QSOX2: variants seen among roughly 807,000 people sequenced by gnomAD.
QSOX2 encodes the protein sulfhydryl oxidase 2.
Under a neutral mutation model 61.7 loss-of-function variants are expected in QSOX2, and 46 were observed. That is an observed-to-expected ratio of 0.75 (90% confidence interval 0.59 to 0.95). The LOEUF (loss-of-function observed/expected upper bound fraction) is 0.95. QSOX2 is among the 40% of genes least tolerant of loss of function. QSOX2 has a pLI of 0.00. For missense variants in QSOX2, 879 were observed against 918.9 expected (o/e 0.96, Z 0.56); for synonymous variants, 383 against 388.4 (o/e 0.99, Z 0.16).
intron 3 of QSOX2, 139 bp from the exon 4 acceptor site, chr9:136,224,251 A>C: frequency 1.5e-6 from 1 of 646,522 alleles, no homozygotes; most frequent in Non-Finnish European, 2.7e-6. Flanking sequence ...GTGCAATCCC[A>C]ATGGGTGTGC....
rs540735675 is a variant in QSOX2 at position 136,208,622 on chromosome 9, C to A, written c.*106G>T. ...AGGTGCCATCCGATGTGAAACCAGG[C>A]CCGCATGTTTATAAAATCCCTGATC... On this transcript the variant is annotated 3_prime_UTR_variant, in exon 12 of 12. Coordinates refer to ENST00000358701, the MANE Select transcript of QSOX2 (RefSeq NM_181701.4). 1.5e-6 allele frequency: 2 copies of A among 1,340,280 alleles called. No individual in the cohort carries two copies. The allele number at this position is 1,340,280 out of a possible 1,614,324, so 83.0% of individuals were successfully genotyped here.
intron 10 of QSOX2, among the ~76,000 whole-genome samples, chr9:136,214,031 G>A (rs759046472): frequency 5.9e-5 from 9 of 152,322 alleles, no homozygotes; most frequent in East Asian, 1.9e-4. Context: ...AAAAATAACC[G>A]TAAAGGAATT....
intron 11 of QSOX2, chr9:136,210,578 C>G (rs1390039813): frequency 3.0e-6 from 3 of 985,462 alleles, no homozygotes; most frequent in Non-Finnish European, 3.6e-6. Flanking sequence ...AGACACACAG[C>G]GCCTTCGTCA....
At chr9:136,224,243 G>T in intron 3 of QSOX2, 131 bp from the exon 4 acceptor site, 1 of 674,422 alleles carries the variant, frequency 1.5e-6, no homozygotes, top group Non-Finnish European at 2.6e-6. Context: ...AGCAACATGT[G>T]CAATCCCAAT....
Position 136,209,529 on chromosome 9 carries a change from G to A in QSOX2, c.1550-254C>T, listed in dbSNP as rs1003505105. ...TCCCATAGCCTGCAAGTGAGGAGAC[G>A]CTACACGCTCGGCCTCCGCCACTTC... On this transcript the variant is annotated intron_variant, in intron 11 of 11. Coordinates refer to ENST00000358701, the MANE Select transcript of QSOX2 (RefSeq NM_181701.4). This position sits in a 1 kb window ranked among gnomAD's most constrained non-coding sequence, Gnocchi z 5.6. 4.9e-5 allele frequency: 48 copies of A among 985,222 alleles called. No homozygotes were observed. The highest frequency in any genetic ancestry group is 5.1e-5 in the Non-Finnish European group (42 of 829,910). 61.0% of individuals were successfully genotyped at this position (985,222 alleles called of 1,614,324 possible).
chr9:136,238,394 A>C (rs1166440510), intron 1 of QSOX2, among the ~76,000 whole-genome samples: 1 of 146,860 alleles, frequency 6.8e-6, no homozygotes. Flanking sequence ...ACTTTTGCCC[A>C]AACACTGTCT....
In QSOX2 at chr9:136,223,792, C is replaced by CA. The variant is rs758601844; in HGVS notation, c.645dup (p.Glu216Ter). On this transcript the variant is annotated frameshift_variant, in exon 5 of 12. Transcript: ENST00000358701. LOFTEE classifies it high-confidence loss of function. This position sits in a 1 kb window ranked among gnomAD's most constrained non-coding sequence, Gnocchi z 4.4. ...CGTCCAAGGTAGGAGCTGTTGCTTT[C>CA]AAAGACAATAGCCACGTAATGGCTG... 6.2e-6 allele frequency: 10 copies of CA among 1,613,950 alleles called. No homozygotes were observed. Among genetic ancestry groups the CA allele is most frequent in the Non-Finnish European group, 8.5e-6 (10 of 1,180,050 alleles).
Position 136,209,043 on chromosome 9 carries a change from G to T in QSOX2, c.1782C>A (p.Leu594=). The T allele has an allele frequency of 6.2e-7, 1 of 1,614,118 alleles. No individual in the cohort carries two copies. Among genetic ancestry groups the T allele is most frequent in the Non-Finnish European group, 8.5e-7 (1 of 1,179,992 alleles). The part of the protein sequence containing the change: ...LARGEEEEKR[L]TPPEVSHGDR... ...CTCCATGGGACACCTCTGGGGGAGTGAGTCTTTTCTCCTCTTCCTCACCCC... is the reference window on the plus strand; with the variant it reads ...CTCCATGGGACACCTCTGGGGGAGTTAGTCTTTTCTCCTCTTCCTCACCCC... Residue 594 remains leucine, a synonymous_variant, in exon 12 of 12, where the codon CTC becomes CTA. Transcript: ENST00000358701. This position sits in a 1 kb window ranked among gnomAD's most constrained non-coding sequence, Gnocchi z 5.6.
chr9:136,215,227 C>T lies in QSOX2; in HGVS notation c.1287G>A (p.Pro429=), dbSNP rs370607372. 1.1e-5 allele frequency: 17 copies of T among 1,613,984 alleles called. No homozygotes were observed. Among genetic ancestry groups the T allele is most frequent in the African/African-American group, 5.3e-5 (4 of 74,930 alleles). The change falls in exon 10 of 12, where the codon CCG becomes CCA. Residue 429 remains proline (P), a synonymous_variant. Transcript: ENST00000358701. ...TGTGGAACAGTTTCCAGAGAGAACA[C>T]GGGTAACCCCTCAACTCAGATCGGC... ...QGSRSELRGY[P]CSLWKLFHTL... is the part of the protein sequence containing the mutation.
intron 10 of QSOX2, among the ~76,000 whole-genome samples, chr9:136,211,833 C>G (rs974690627): frequency 6.6e-6 from 1 of 152,250 alleles, no homozygotes; most frequent in African/African-American, 2.4e-5. Flanking sequence ...TGCCGCTCTT[C>G]CCCGGGATTT....
At chr9:136,235,366 G>T (rs1372841173) in intron 1 of QSOX2, among the ~76,000 whole-genome samples, 5 of 152,224 alleles carry the variant, frequency 3.3e-5, no homozygotes, top group Non-Finnish European at 7.3e-5. Context: ...ACACTGCTGG[G>T]CCCTTACGGG....
rs1426891519 is a variant in QSOX2 at position 136,216,606 on chromosome 9, CTTG to C, written c.1200_1202del (p.Asn400del). 5.0e-6 allele frequency: 8 copies of C among 1,613,826 alleles called. No homozygotes were observed. The highest frequency in any genetic ancestry group is 2.2e-5 in the East Asian group (1 of 44,870). On this transcript the variant is annotated inframe_deletion, in exon 9 of 12. Coordinates refer to ENST00000358701, the MANE Select transcript of QSOX2 (RefSeq NM_181701.4). Reference sequence around the variant, plus strand: ...CGAGGGTTCTGGGGCTCACCCGCATCTTGTTGTTGACCAGGTCAAGCACGGCGT... The same window carrying C: ...CGAGGGTTCTGGGGCTCACCCGCATCTTGTTGACCAGGTCAAGCACGGCGT...
chr9:136,236,362 C>G (rs961063030), intron 1 of QSOX2, among the ~76,000 whole-genome samples: 3 of 152,246 alleles, frequency 2.0e-5, no homozygotes, highest in Non-Finnish European at 4.4e-5. Context: ...TTCAGCCGGA[C>G]TAGACGGATA....
Position 136,218,730 on chromosome 9 carries a change from C to A in QSOX2, c.1035G>T (p.Leu345=), listed in dbSNP as rs533080907. Residue 345 remains leucine (L), a synonymous_variant, in exon 8 of 12, where the codon CTG becomes CTT. Transcript: ENST00000358701. ...LRVELAAHKS[L]AGAELKTLKD... Reference sequence around the variant, plus strand: ...TGAGCGTCTTCAGCTCTGCTCCGGCCAGGGACTTGTGGGCTGCCAGCTCCA... The same window carrying A: ...TGAGCGTCTTCAGCTCTGCTCCGGCAAGGGACTTGTGGGCTGCCAGCTCCA... The A allele has an allele frequency of 1.9e-6, 3 of 1,613,784 alleles. No individual in the cohort carries two copies. Among genetic ancestry groups the A allele is most frequent in the East Asian group, 4.5e-5 (2 of 44,890 alleles).
intron 10 of QSOX2, among the ~76,000 whole-genome samples, chr9:136,214,395 T>C (rs1344021139): frequency 6.6e-6 from 1 of 152,226 alleles, no homozygotes; most frequent in African/African-American, 2.4e-5. Context: ...GACTGACTAG[T>C]AAGCAGAATC....
intron 1 of QSOX2, among the ~76,000 whole-genome samples, chr9:136,241,031 A>G (rs1830429255): frequency 6.6e-6 from 1 of 150,988 alleles, no homozygotes; most frequent in Non-Finnish European, 1.5e-5. Flanking sequence ...TTAGCAAACC[A>G]TCCCGTCTTA....
intron 1 of QSOX2, among the ~76,000 whole-genome samples, chr9:136,236,762 AGCGT>A (rs1830386441): frequency 7.0e-6 from 1 of 143,492 alleles, no homozygotes; most frequent in African/African-American, 2.6e-5. Context: ...GTCCTGGGCC[AGCGT>A]CACCTGGTGC....
In QSOX2 at chr9:136,243,469, CTCTT is replaced by C. The variant is rs376990330; in HGVS notation, c.328+2003_328+2006del. 3.9e-5 allele frequency among the ~76,000 whole-genome samples: 6 copies of C among 152,340 alleles called. No homozygotes were observed. The East Asian group carries it at 9.6e-4, about 24-fold the overall frequency. On this transcript the variant is annotated intron_variant, in intron 1 of 11. Coordinates refer to ENST00000358701, the MANE Select transcript of QSOX2 (RefSeq NM_181701.4). The stretch of plus-strand genomic sequence containing the variant: ...CTTCAAGTCTTTAGACAAAGCTTAA[CTCTT>C]TCAATCAATTGCCAGTCAGAATCCA...
At chr9:136,212,484 G>A (rs1831858654) in intron 10 of QSOX2, among the ~76,000 whole-genome samples, 1 of 152,244 alleles carries the variant, frequency 6.6e-6, no homozygotes, top group African/African-American at 2.4e-5. Context: ...CGTCCTGGTC[G>A]GTCCCAAATC....
Sources: allele counts gnomAD v4.1 joint callset (sites outside exome capture counted in the v4.1 genomes callset), GRCh38; gene constraint gnomAD v4.1.1; non-coding constraint Gnocchi (gnomAD v3.1); transcripts MANE v1.5; gene names NCBI Gene and HGNC (gene_info 2026-07-23, HGNC 2026-07-21).